Variants in AK8 observed in about 807,000 individuals in gnomAD.
AK8 encodes the protein ATP-AMP transphosphorylase 8.
AK8 carries 44 observed loss-of-function variants against 54.6 expected under a neutral mutation model. That is an observed-to-expected ratio of 0.81 (90% CI 0.63 to 1.04). AK8 has a LOEUF of 1.04. Among genes scored for constraint, AK8 ranks in the 50% least tolerant of loss-of-function variants. AK8 has a pLI of 0.00. For missense variants in AK8, 555 were observed against 613.6 expected, an observed-to-expected ratio of 0.90 and a Z score of 1.01; for synonymous variants, 239 against 245.6, an observed-to-expected ratio of 0.97 and a Z score of 0.25.
At chr9:132,749,902 C>T (rs1397701379) in intron 11 of AK8, among the ~76,000 whole-genome samples, 4 of 149,784 alleles carry the variant, frequency 2.7e-5, no homozygotes, top group African/African-American at 5.0e-5. Context: ...TTGGGGTGGG[C>T]GTGCACTTGC....
intron 11 of AK8, chr9:132,769,685 C>T (rs1009184747): frequency 3.3e-5 from 5 of 152,238 alleles, no homozygotes; most frequent in South Asian, 4.1e-4. Context: ...GGGCTCCCAT[C>T]TCTCATTTCT....
rs1185581561 is a variant in AK8 at position 132,781,489 on chromosome 9, T to C, written c.1121+11145A>G. Among the ~76,000 whole-genome samples, 1 of 152,216 alleles carries C rather than the reference T, an allele frequency of 6.6e-6. No homozygotes were observed. Among genetic ancestry groups the C allele is most frequent in the Non-Finnish European group, 1.5e-5 (1 of 68,042 alleles). ...GATAAGCCAAAGAGGTCTATTTTTG[T>C]GTCCAATACACTGAGTAGCTTACCC... is the stretch of plus-strand genomic sequence containing the variant. On this transcript the variant is annotated intron_variant, in intron 11 of 12. Coordinates refer to ENST00000298545, the MANE Select transcript of AK8 (RefSeq NM_152572.3). This position sits in a 1 kb window ranked among gnomAD's most constrained non-coding sequence, Gnocchi z 4.6.
intron 11 of AK8, among the ~76,000 whole-genome samples, chr9:132,743,960 G>A (rs1051478336): frequency 1.3e-5 from 2 of 152,194 alleles, no homozygotes; most frequent in Admixed American, 6.5e-5. Context: ...GAAGTTGGCG[G>A]AGCCTTCCTG....
chr9:132,793,545 C>T (rs975566081), intron 10 of AK8, among the ~76,000 whole-genome samples: 54 of 152,316 alleles, frequency 3.5e-4, no homozygotes, highest in African/African-American at 1.3e-3. Flanking sequence ...CAAAATTCTC[C>T]AATTCTCCCA....
At chr9:132,750,765 G>A (rs893575667) in intron 11 of AK8, among the ~76,000 whole-genome samples, 1 of 151,912 alleles carries the variant, frequency 6.6e-6, no homozygotes, top group South Asian at 2.1e-4. Flanking sequence ...TGCACCTAAC[G>A]TCAGGCTGCA....
At chr9:132,782,258 T>C (rs550108963) in intron 11 of AK8, among the ~76,000 whole-genome samples, 2 of 152,160 alleles carry the variant, frequency 1.3e-5, no homozygotes, top group South Asian at 2.1e-4. Context: ...CAGTCATTTT[T>C]CCCCCCAGGC....
chr9:132,775,823 T>C (rs1242456882), intron 11 of AK8, among the ~76,000 whole-genome samples: 1 of 152,256 alleles, frequency 6.6e-6, no homozygotes, highest in East Asian at 1.9e-4. Context: ...AGCACAGCCA[T>C]GCCTGCGGTT....
rs1844210740 is a variant in AK8 at position 132,877,977 on chromosome 9, G to A, written c.84+195C>T. On this transcript the variant is annotated intron_variant, in intron 1 of 12. Coordinates refer to ENST00000298545, the MANE Select transcript of AK8 (RefSeq NM_152572.3). ...CCCTGGGTCCGCCTGAGGCAAACCC[G>A]GGCAGGACCAGGAGCGTCCCCAGCT... 4.9e-6 allele frequency: 7 copies of A among 1,414,480 alleles called. No individual in the cohort carries two copies. The East Asian group carries it at 1.5e-4, about 30-fold the overall frequency. 87.6% of individuals were successfully genotyped at this position (1,414,480 alleles called of 1,614,324 possible).
At chr9:132,827,870 C>G in intron 7 of AK8, 143 bp downstream of exon 7, 1 of 764,784 alleles carries the variant, frequency 1.3e-6, no homozygotes, top group East Asian at 2.7e-5. Flanking sequence ...TCTTCCAGCT[C>G]AGAGCCCAGC....
At chr9:132,764,553 T>A (rs958132815) in intron 11 of AK8, among the ~76,000 whole-genome samples, 1 of 152,086 alleles carries the variant, frequency 6.6e-6, no homozygotes, top group Admixed American at 6.6e-5. Context: ...ACCAACAAAC[T>A]GGAAAATCTA....
At position 132,770,564 on chromosome 9, in the gene AK8, G is replaced by A. The variant is rs1319178832; in HGVS notation, c.1121+22070C>T. 1.3e-5 allele frequency among the ~76,000 whole-genome samples: 2 copies of A among 152,206 alleles called. No individual in the cohort carries two copies. The highest frequency in any genetic ancestry group is 1.5e-5 in the Non-Finnish European group (1 of 68,024). Reference sequence around the variant, plus strand: ...CCCCTGGCTGTAACCTGAGCAGCCCGCGTGAGGGTCAGTGGTGACTTCCGG... The same window carrying A: ...CCCCTGGCTGTAACCTGAGCAGCCCACGTGAGGGTCAGTGGTGACTTCCGG... On this transcript the variant is annotated intron_variant, in intron 11 of 12. Coordinates refer to ENST00000298545, the MANE Select transcript of AK8 (RefSeq NM_152572.3). This position sits in a 1 kb window ranked among gnomAD's most constrained non-coding sequence, Gnocchi z 4.3.
intron 5 of AK8, among the ~76,000 whole-genome samples, chr9:132,853,325 T>G (rs1239773572): frequency 5.3e-5 from 7 of 131,628 alleles, no homozygotes; most frequent in Non-Finnish European, 9.2e-5. Context: ...GCCGCTGCAC[T>G]CCTACCTGGG....
chr9:132,873,252 G>A lies in AK8; in HGVS notation c.169+1863C>T, dbSNP rs576579302. On this transcript the variant is annotated intron_variant, in intron 2 of 12. Transcript: ENST00000298545. ...ATTCCTGGAAGCTGCTACCCATGAT[G>A]CATCAGGGATTTCCCATTCCTTCAG... is the stretch of plus-strand genomic sequence containing the variant. Among the ~76,000 whole-genome samples, 438 of 152,376 alleles carry A rather than the reference G, an allele frequency of 2.9e-3. 2 individuals are homozygous for A. Among genetic ancestry groups the A allele is most frequent in the Non-Finnish European group, 5.4e-3 (366 of 68,048 alleles).
At chr9:132,731,087 G>A (rs904039967) in intron 11 of AK8, among the ~76,000 whole-genome samples, 1 of 152,134 alleles carries the variant, frequency 6.6e-6, no homozygotes, top group African/African-American at 2.4e-5. Context: ...CCCAAACGCC[G>A]AAATCCTGAA....
intron 11 of AK8, among the ~76,000 whole-genome samples, chr9:132,742,169 C>CTTT (rs573195791): frequency 1.0e-4 from 13 of 126,590 alleles, no homozygotes; most frequent in African/African-American, 2.1e-4. Context: ...TGGACTTGGA[C>CTTT]TTTTTTTTTT....
chr9:132,869,525 G>C (rs538360633), intron 2 of AK8, among the ~76,000 whole-genome samples: 5 of 152,232 alleles, frequency 3.3e-5, no homozygotes, highest in African/African-American at 4.8e-5. Context: ...AAGCGCTGGT[G>C]GTGGGCCCAG....
intron 1 of AK8, among the ~76,000 whole-genome samples, chr9:132,875,707 C>T (rs2519756): frequency 1 from 152,233 of 152,346 alleles, 76,061 homozygotes; most frequent in Middle Eastern, 1. Context: ...CCCTGTTCCA[C>T]GCCTCACCCT....
intron 9 of AK8, 97 bp downstream of exon 9, chr9:132,823,108 C>T (rs528074520): frequency 2.1e-6 from 3 of 1,461,004 alleles, no homozygotes; most frequent in South Asian, 1.5e-5. Context: ...ACCCTTCCCC[C>T]CCAACACCAC....
At chr9:132,806,709 C>T (rs556319969) in intron 10 of AK8, among the ~76,000 whole-genome samples, 11 of 152,258 alleles carry the variant, frequency 7.2e-5, no homozygotes, top group African/African-American at 2.6e-4. Flanking sequence ...ATATTAATTC[C>T]CCCTTAAAAA....
Sources: gnomAD v4.1 joint callset for allele counts (sites outside exome capture counted in the v4.1 genomes callset) on GRCh38, gnomAD v4.1.1 for gene constraint, Gnocchi (gnomAD v3.1) non-coding constraint, MANE v1.5 for transcripts, NCBI Gene and HGNC (gene_info 2026-07-23, HGNC 2026-07-21) for gene names.